Variants in IL1RAPL1 observed in about 807,000 individuals in gnomAD.
IL1RAPL1 encodes interleukin 1 receptor accessory protein like 1, also known as interleukin-1 receptor accessory protein-like 1.
IL1RAPL1 carries 3 observed loss-of-function variants against 48.4 expected under a neutral mutation model. The observed-to-expected ratio is 0.06, with a 90% confidence interval of 0.03 to 0.16. The LOEUF is 0.16. Among genes scored for constraint, IL1RAPL1 ranks in the 10% least tolerant of loss-of-function variants. The probability of loss-of-function intolerance (pLI) is 1.00; values close to 1 mark genes in which losing one functional copy is unlikely to be tolerated. For missense variants in IL1RAPL1, 349 were observed against 530.6 expected, an observed-to-expected ratio of 0.66 and a Z score of 3.36; for synonymous variants, 185 against 187.7, an observed-to-expected ratio of 0.99 and a Z score of 0.12.
intron 2 of IL1RAPL1, among the ~76,000 whole-genome samples, chrX:29,148,631 A>T (rs980568796): frequency 8.9e-6 from 1 of 111,954 alleles, no homozygotes; most frequent in Non-Finnish European, 1.9e-5. Context: ...TCTTAGCAAG[A>T]TACCTTCTTT....
chrX:29,333,436 C>T (rs1406204384), intron 3 of IL1RAPL1, among the ~76,000 whole-genome samples: 1 of 86,641 alleles, frequency 1.2e-5, no homozygotes. Context: ...CCGGACGGGG[C>T]GGCTGGCCGG....
At chrX:29,351,391 A>G (rs1933228466) in intron 3 of IL1RAPL1, among the ~76,000 whole-genome samples, 1 of 111,739 alleles carries the variant, frequency 8.9e-6, no homozygotes, top group Non-Finnish European at 1.9e-5. Flanking sequence ...TAAGTGTTAT[A>G]TGAGGCTATT....
chrX:29,836,340 G>A (rs1253168246), intron 6 of IL1RAPL1, among the ~76,000 whole-genome samples: 7 of 108,876 alleles, frequency 6.4e-5, no homozygotes, highest in South Asian at 4.0e-4. Context: ...ACAGGTGTGC[G>A]CCACCACACC....
At chrX:28,802,556 A>C (rs1936688635) in intron 2 of IL1RAPL1, among the ~76,000 whole-genome samples, 1 of 112,394 alleles carries the variant, frequency 8.9e-6, no homozygotes, top group Non-Finnish European at 1.9e-5. Flanking sequence ...TGCTACCTTG[A>C]GCTCAATAAA....
At chrX:29,527,585 A>G (rs1391124215) in intron 5 of IL1RAPL1, among the ~76,000 whole-genome samples, 1 of 109,964 alleles carries the variant, frequency 9.1e-6, no homozygotes, top group Non-Finnish European at 1.9e-5. Flanking sequence ...TCATCCTCCC[A>G]AAGTGCTGGG....
intron 5 of IL1RAPL1, among the ~76,000 whole-genome samples, chrX:29,542,605 G>A (rs912059434): frequency 3.6e-5 from 4 of 111,760 alleles, no homozygotes; most frequent in Non-Finnish European, 7.5e-5. Flanking sequence ...ACATAGTTTA[G>A]CACTTAATCT....
intron 2 of IL1RAPL1, among the ~76,000 whole-genome samples, chrX:28,950,922 C>T (rs1924442756): frequency 9.3e-6 from 1 of 107,145 alleles, no homozygotes; most frequent in Admixed American, 1.0e-4. Context: ...CACATATACA[C>T]CATGGAATAC....
intron 2 of IL1RAPL1, among the ~76,000 whole-genome samples, chrX:28,957,591 G>GT (rs1555946106): frequency 9.1e-6 from 1 of 109,551 alleles, no homozygotes; most frequent in Middle Eastern, 4.3e-3. Context: ...ATTTGTTAGT[G>GT]TTTTTTTGTT....
At chrX:29,348,455 A>G (rs1282172765) in intron 3 of IL1RAPL1, among the ~76,000 whole-genome samples, 1 of 112,163 alleles carries the variant, frequency 8.9e-6, no homozygotes, top group Non-Finnish European at 1.9e-5. Context: ...GGAGTTAACA[A>G]CTCATTAACA....
chrX:29,386,933 C>T (rs1281191293), intron 3 of IL1RAPL1, among the ~76,000 whole-genome samples: 2 of 112,016 alleles, frequency 1.8e-5, no homozygotes, highest in Admixed American at 1.9e-4. Context: ...TACATTGCAT[C>T]GCCATTGCTG....
intron 2 of IL1RAPL1, among the ~76,000 whole-genome samples, chrX:29,188,753 A>T (rs1197061647): frequency 9.2e-6 from 1 of 108,699 alleles, no homozygotes; most frequent in Non-Finnish European, 1.9e-5. Flanking sequence ...TGCCTGGCTA[A>T]TTTTTTTATT....
intron 2 of IL1RAPL1, among the ~76,000 whole-genome samples, chrX:28,876,824 T>G (rs1447906610): frequency 8.9e-6 from 1 of 111,861 alleles, no homozygotes; most frequent in Admixed American, 9.5e-5. Context: ...AGATTTGTGT[T>G]AATTATTCTC....
At chrX:28,915,685 G>A (rs1923472678) in intron 2 of IL1RAPL1, among the ~76,000 whole-genome samples, 1 of 110,903 alleles carries the variant, frequency 9.0e-6, no homozygotes, top group Non-Finnish European at 1.9e-5. Context: ...TTTACACCAT[G>A]CTTCTCAGGC....
At chrX:29,335,268 GGAGAC>G (rs1415414020) in intron 3 of IL1RAPL1, among the ~76,000 whole-genome samples, 1 of 33,574 alleles carries the variant, frequency 3.0e-5, no homozygotes, top group African/African-American at 1.2e-4. Flanking sequence ...AGACGGAGAC[GGAGAC>G]GGAGAGGGGA....
intron 6 of IL1RAPL1, among the ~76,000 whole-genome samples, chrX:29,845,049 A>G (rs1931217991): frequency 8.9e-6 from 1 of 112,174 alleles, no homozygotes; most frequent in Admixed American, 9.5e-5. Context: ...CTGAGCCTCC[A>G]GAAGTAACGA....
intron 2 of IL1RAPL1, among the ~76,000 whole-genome samples, chrX:29,080,318 G>T (rs1927772863): frequency 3.6e-5 from 4 of 110,187 alleles, no homozygotes; most frequent in Admixed American, 2.9e-4. Flanking sequence ...GATTGAGGTT[G>T]CAGTGAGCCG....
intron 2 of IL1RAPL1, among the ~76,000 whole-genome samples, chrX:29,199,481 G>A (rs1337660350): frequency 9.0e-6 from 1 of 111,662 alleles, no homozygotes; most frequent in Non-Finnish European, 1.9e-5. Context: ...TGGCACCGGG[G>A]ACTGGTTTCA....
chrX:29,419,561 T>G (rs750230396), intron 5 of IL1RAPL1, among the ~76,000 whole-genome samples: 1 of 111,832 alleles, frequency 8.9e-6, no homozygotes, highest in African/African-American at 3.2e-5. Context: ...CCTCAGGTGA[T>G]TCACCTGCCT....
At chrX:29,663,797 A>C (rs1191634284) in intron 5 of IL1RAPL1, among the ~76,000 whole-genome samples, 3 of 111,999 alleles carry the variant, frequency 2.7e-5, no homozygotes, top group Non-Finnish European at 3.8e-5. Flanking sequence ...ATTATTTCAC[A>C]AATAGTAATA....
Sources: allele counts gnomAD v4.1 joint callset (sites outside exome capture counted in the v4.1 genomes callset), GRCh38; gene constraint gnomAD v4.1.1; transcripts MANE v1.5; gene names NCBI Gene and HGNC (gene_info 2026-07-23, HGNC 2026-07-21).